The following EIF2AK1 variants were observed in gnomAD, a reference collection of about 807,000 sequenced individuals.
EIF2AK1 encodes eukaryotic translation initiation factor 2 alpha kinase 1.
In EIF2AK1, 54 loss-of-function variants were observed where a neutral mutation model predicts 77.9. The observed-to-expected ratio is 0.69, with a 90% CI of 0.56 to 0.87. The LOEUF (loss-of-function observed/expected upper bound fraction) is 0.87, where lower values mean the gene tolerates loss of function less well. Ranked by LOEUF, EIF2AK1 falls within the 40% of genes least tolerant of loss-of-function variation. The probability of loss-of-function intolerance (pLI) is 0.00; values close to 1 mark genes in which losing one functional copy is unlikely to be tolerated. For synonymous variants in EIF2AK1, 314 were observed against 290.5 expected, an observed-to-expected ratio of 1.08 and a Z score of -0.82; for missense variants, 810 against 768.6, an observed-to-expected ratio of 1.05 and a Z score of -0.64.
intron 10 of EIF2AK1, among the ~76,000 whole-genome samples, chr7:6,037,965 A>G (rs1330121251): frequency 1.3e-5 from 2 of 152,192 alleles, no homozygotes; most frequent in Admixed American, 6.6e-5. Flanking sequence ...AAGAAAAAAG[A>G]TAAAATATGT....
chr7:6,044,534 A>C (rs766965804), intron 7 of EIF2AK1, 28 bp downstream of exon 7: 10 of 1,594,642 alleles, frequency 6.3e-6, no homozygotes, highest in Non-Finnish European at 8.6e-6. Context: ...CCAACGCTTC[A>C]ACTACCATAC....
intron 14 of EIF2AK1, chr7:6,026,317 G>C: frequency 2.5e-6 from 1 of 393,402 alleles, no homozygotes; most frequent in Admixed American, 3.3e-5. Context: ...AGGTGGTGAA[G>C]GGTCAGAGTT....
intron 12 of EIF2AK1, 21 bp from the exon 13 acceptor site, chr7:6,028,718 T>C (rs1787820093): frequency 6.2e-7 from 1 of 1,610,430 alleles, no homozygotes; most frequent in Non-Finnish European, 8.5e-7. Flanking sequence ...AAAAGCCACA[T>C]ATTAAACATT....
At chr7:6,039,621 CA>C (rs767158374) in intron 9 of EIF2AK1, among the ~76,000 whole-genome samples, 283 of 48,996 alleles carry the variant, frequency 5.8e-3, no homozygotes, top group African/African-American at 0.016. Context: ...ACTCCATCTC[CA>C]AAAAAAAAAA....
chr7:6,056,621 T>TAA (rs1788779012), intron 1 of EIF2AK1, among the ~76,000 whole-genome samples: 1 of 67,456 alleles, frequency 1.5e-5, no homozygotes, highest in African/African-American at 5.7e-5. Flanking sequence ...AAAATATATA[T>TAA]ATATATATAT....
In EIF2AK1 at chr7:6,023,414, A is replaced by G. The variant is rs1352361945; in HGVS notation, c.*1259T>C. ...TTTGGCCAGAAGCATAATGCTGTCAACGCAACCCTTATAGATAGCTGGGTA... is the reference window on the plus strand; with the variant it reads ...TTTGGCCAGAAGCATAATGCTGTCAGCGCAACCCTTATAGATAGCTGGGTA... On this transcript the variant is annotated 3_prime_UTR_variant, in exon 15 of 15. Transcript: ENST00000199389. 1 of 1,614,246 alleles carries G rather than the reference A, an allele frequency of 6.2e-7. No individual in the cohort carries two copies. The highest frequency in any genetic ancestry group is 8.5e-7 in the Non-Finnish European group (1 of 1,180,044).
chr7:6,042,947 G>A lies in EIF2AK1; in HGVS notation c.777C>T (p.Asp259=). The change falls in exon 8 of 15, where the codon GAC becomes GAT. Residue 259 remains aspartate (D), a synonymous_variant. Coordinates refer to ENST00000199389, the MANE Select transcript of EIF2AK1 (RefSeq NM_014413.4). ...IELPSLEVLS[D]QEEDREQCGV... is the part of the protein sequence containing the mutation. Reference sequence around the variant, plus strand: ...AAAGGACATACCTGTCCTCTTCCTGGTCGGAGAGCACTTCCAGAGATGGCA... The same window carrying A: ...AAAGGACATACCTGTCCTCTTCCTGATCGGAGAGCACTTCCAGAGATGGCA... 1 of 1,614,018 alleles carries A rather than the reference G, an allele frequency of 6.2e-7. No individual in the cohort carries two copies. Among genetic ancestry groups the A allele is most frequent in the Non-Finnish European group, 8.5e-7 (1 of 1,179,910 alleles).
Position 6,046,061 on chromosome 7 carries a change from A to C in EIF2AK1, c.630+10T>G. The C allele has an allele frequency of 6.6e-7, 1 of 1,504,270 alleles. No homozygotes were observed. Among genetic ancestry groups the C allele is most frequent in the Non-Finnish European group, 9.0e-7 (1 of 1,105,312 alleles). 93.2% of individuals were successfully genotyped at this position (1,504,270 alleles called of 1,614,324 possible). ...AATTATTCAAAATAAGTAATTTTTA[A>C]AAATCATACCTTCATGCAAACTGTT... On this transcript the variant is annotated intron_variant, in intron 6 of 14. Coordinates refer to ENST00000199389, the MANE Select transcript of EIF2AK1 (RefSeq NM_014413.4).
At position 6,056,628 on chromosome 7, in the gene EIF2AK1, A is replaced by ATATATATATATG. The variant is rs749747260; in HGVS notation, c.119-1925_119-1924insCATATATATATA. On this transcript the variant is annotated intron_variant, in intron 1 of 14. Transcript: ENST00000199389. ...AAAAAAAAAAAATATATATATATAT[A>ATATATATATATG]TATATATAAACTCTGTCTGGACATT... Among the ~76,000 whole-genome samples the ATATATATATATG allele has an allele frequency of 4.1e-3, 314 of 75,872 alleles. 20 individuals are homozygous for ATATATATATATG. The highest frequency in any genetic ancestry group is 0.016 in the African/African-American group (287 of 18,016). 49.8% of individuals were successfully genotyped at this position (75,872 alleles called of 152,430 possible). A position where few individuals can be genotyped will look rare whatever the true frequency, so the allele number is the denominator to read the frequency against.
chr7:6,025,722 G>A (rs926619524), intron 14 of EIF2AK1, among the ~76,000 whole-genome samples: 3 of 151,878 alleles, frequency 2.0e-5, no homozygotes, highest in Admixed American at 1.3e-4. Flanking sequence ...TGCAACCTCC[G>A]CCTCCCAGTT....
At position 6,042,984 on chromosome 7, in the gene EIF2AK1, G is replaced by A; in HGVS notation, c.740C>T (p.Ala247Val). ...TTCCAGAGATGGCAACTCAATGGCA[G>A]CTCTGTCTGCTGAATGAAAACAAAC... The part of the protein sequence containing the change: ...VHVIQPRADR[A>V]AIELPSLEVL... The change falls in exon 8 of 15, where the codon GCT (alanine) becomes GTT (valine). Residue 247 changes from alanine (A) to valine (V), a missense_variant. Physicochemically the swap from Ala to Val is moderately conservative, Grantham distance 64 (BLOSUM62 0). Transcript: ENST00000199389. 1 of 1,614,096 alleles carries A rather than the reference G, an allele frequency of 6.2e-7. No homozygotes were observed. Among genetic ancestry groups the A allele is most frequent in the Non-Finnish European group, 8.5e-7 (1 of 1,179,968 alleles).
chr7:6,046,181 T>C (rs1272517413), intron 5 of EIF2AK1, 30 bp from the exon 6 acceptor site: 51 of 1,293,472 alleles, frequency 3.9e-5, no homozygotes, highest in South Asian at 5.6e-5. Context: ...ACAAAGTATA[T>C]TGTGTCATTA....
chr7:6,054,240 T>C (rs1479192688), intron 2 of EIF2AK1, among the ~76,000 whole-genome samples: 1 of 151,928 alleles, frequency 6.6e-6, no homozygotes, highest in African/African-American at 2.4e-5. Context: ...AGTCTCACTC[T>C]TTCACCCAGG....
intron 5 of EIF2AK1, 103 bp downstream of exon 5, chr7:6,046,889 G>T: frequency 9.1e-7 from 1 of 1,093,842 alleles, no homozygotes; most frequent in South Asian, 1.7e-5. Flanking sequence ...GACAGAGCGA[G>T]ACTCCATCTC....
Position 6,041,216 on chromosome 7 carries a change from C to G in EIF2AK1, c.795G>C (p.Glu265Asp). The part of the protein sequence containing the change: ...EVLSDQEEDR[E>D]QCGVKNDESS... ...TTTCATCATTTTTAACACCACATTG[C>G]TCTCTGAAAAAAAAAAAAATAGTAA... The change falls in exon 9 of 15, where the codon GAG becomes GAC. Residue 265 changes from glutamate to aspartate, a missense_variant. Glu to Asp is a conservative substitution (Grantham distance 45, BLOSUM62 2). Coordinates refer to ENST00000199389, the MANE Select transcript of EIF2AK1 (RefSeq NM_014413.4). The G allele has an allele frequency of 6.5e-7, 1 of 1,538,782 alleles. No individual in the cohort carries two copies. Among genetic ancestry groups the G allele is most frequent in the African/African-American group, 1.8e-5 (1 of 55,014 alleles).
rs1787643170 is a variant in EIF2AK1 at position 6,023,741 on chromosome 7, T to C, written c.*932A>G. ...TTTAGATTTTAAGAATGGTGCTCTT[T>C]CATGCCTATTATCAGTAAGGGGACT... On this transcript the variant is annotated 3_prime_UTR_variant, in exon 15 of 15. Coordinates refer to ENST00000199389, the MANE Select transcript of EIF2AK1 (RefSeq NM_014413.4). The C allele has an allele frequency of 5.6e-6, 9 of 1,613,676 alleles. No individual in the cohort carries two copies. Among genetic ancestry groups the C allele is most frequent in the African/African-American group, 2.7e-5 (2 of 75,072 alleles).
rs1336249475 is a variant in EIF2AK1, at chr7:6,042,930, T to C, written c.791+3A>G. ...TAATGTCCTAATATGTAAAAGGACA[T>C]ACCTGTCCTCTTCCTGGTCGGAGAG... On this transcript the variant is annotated splice_donor_region_variant and intron_variant, in intron 8 of 14. Transcript: ENST00000199389. 1 of 1,612,162 alleles carries C rather than the reference T, an allele frequency of 6.2e-7. No homozygotes were observed. Among genetic ancestry groups the C allele is most frequent in the Non-Finnish European group, 8.5e-7 (1 of 1,178,246 alleles).
intron 2 of EIF2AK1, among the ~76,000 whole-genome samples, chr7:6,052,584 TAAAAAAAAAAA>T (rs56106343): frequency 1.0e-5 from 1 of 97,174 alleles, no homozygotes; most frequent in African/African-American, 4.0e-5. Flanking sequence ...ACTGTTTTGG[TAAAAAAAAAAA>T]AAAAAAAAAA....
chr7:6,057,319 C>A (rs1013495463), intron 1 of EIF2AK1, among the ~76,000 whole-genome samples: 1 of 151,716 alleles, frequency 6.6e-6, no homozygotes, highest in African/African-American at 2.4e-5. Flanking sequence ...CCATTTGAAT[C>A]AATCAAAACC....
Sources: allele counts gnomAD v4.1 joint callset (sites outside exome capture counted in the v4.1 genomes callset), GRCh38; gene constraint gnomAD v4.1.1; transcripts MANE v1.5; gene names NCBI Gene and HGNC (gene_info 2026-07-23, HGNC 2026-07-21).